Variants in PKP4 observed in about 807,000 individuals in gnomAD.
PKP4 encodes the protein plakophilin-4.
A neutral mutation model predicts 145.1 loss-of-function variants in PKP4; 90 were observed. The observed-to-expected ratio is 0.62, with a 90% CI of 0.52 to 0.74. The LOEUF (loss-of-function observed/expected upper bound fraction) is 0.74, where lower values mean the gene tolerates loss of function less well. PKP4 is among the 30% of genes least tolerant of loss of function. The pLI, the probability that PKP4 is intolerant of heterozygous loss-of-function variation, is 0.00. For missense variants in PKP4, 1,340 were observed against 1,482.7 expected, an observed-to-expected ratio of 0.90 and a Z score of 1.58; for synonymous variants, 563 against 577.2, an observed-to-expected ratio of 0.98 and a Z score of 0.35.
chr2:158,621,072 A>G lies in PKP4; in HGVS notation c.363A>G (p.Glu121=), dbSNP rs752559829. ...PNNYLIRTEP[E]QGTLYSPEQT... Reference sequence around the variant, plus strand: ...ACTATCTCATCAGGACAGAGCCAGAACAAGGAACCCTCTATTCACCAGAAC... The same window carrying G: ...ACTATCTCATCAGGACAGAGCCAGAGCAAGGAACCCTCTATTCACCAGAAC... The change falls in exon 5 of 22, where the codon GAA becomes GAG. Residue 121 remains glutamate, a synonymous_variant. Coordinates refer to ENST00000389759, the MANE Select transcript of PKP4 (RefSeq NM_003628.6). The G allele has an allele frequency of 3.1e-6, 5 of 1,614,204 alleles. No individual in the cohort carries two copies. Among genetic ancestry groups the G allele is most frequent in the Non-Finnish European group, 4.2e-6 (5 of 1,180,018 alleles).
At chr2:158,672,175 T>C (rs1255324587) in intron 17 of PKP4, among the ~76,000 whole-genome samples, 2 of 152,106 alleles carry the variant, frequency 1.3e-5, no homozygotes, top group Non-Finnish European at 2.9e-5. Flanking sequence ...TGAAATACAG[T>C]GACTCAGGAT....
intron 1 of PKP4, among the ~76,000 whole-genome samples, chr2:158,518,346 A>C (rs1432834059): frequency 6.6e-6 from 1 of 152,222 alleles, no homozygotes; most frequent in Non-Finnish European, 1.5e-5. Context: ...GATGTTGCAC[A>C]AGATCACATC....
chr2:158,540,816 A>T (rs1164139856), intron 2 of PKP4, among the ~76,000 whole-genome samples: 1 of 152,186 alleles, frequency 6.6e-6, no homozygotes, highest in African/African-American at 2.4e-5. Flanking sequence ...CCATTGAATT[A>T]GCATTGTTTC....
chr2:158,465,844 C>T (rs560743492), intron 1 of PKP4, among the ~76,000 whole-genome samples: 26 of 152,280 alleles, frequency 1.7e-4, no homozygotes, highest in African/African-American at 6.3e-4. Flanking sequence ...CTGGACTTCA[C>T]AAGAACTATT....
At chr2:158,527,844 C>T (rs2043100327) in intron 1 of PKP4, among the ~76,000 whole-genome samples, 1 of 20,504 alleles carries the variant, frequency 4.9e-5, no homozygotes, top group Non-Finnish European at 1.1e-4. Context: ...ACAGACACTT[C>T]TCAAAAGAAG....
chr2:158,564,797 T>C (rs1164383297), intron 2 of PKP4, among the ~76,000 whole-genome samples: 4 of 152,222 alleles, frequency 2.6e-5, no homozygotes, highest in Non-Finnish European at 4.4e-5. Flanking sequence ...AGCTTTGTTT[T>C]CTCTACTTAA....
intron 4 of PKP4, among the ~76,000 whole-genome samples, chr2:158,613,558 T>C (rs2051323648): frequency 6.6e-6 from 1 of 152,260 alleles, no homozygotes; most frequent in Admixed American, 6.5e-5. Flanking sequence ...AATCTCTGAG[T>C]GTGGGACTTG....
At position 158,673,755 on chromosome 2, in the gene PKP4, T is replaced by C. The variant is rs2057769043; in HGVS notation, c.3003T>C (p.Tyr1001=). The part of the protein sequence containing the change: ...LWQYRDLRSI[Y]KKDGWNQNHF... ...AATATCGGGACCTCCGGAGCATTTA[T>C]AAAAAGGTAACCTACAAGAATAGCT... Residue 1001 remains tyrosine (Y), a synonymous_variant, in exon 18 of 22, where the codon TAT becomes TAC. Transcript: ENST00000389759. 1.2e-6 allele frequency: 2 copies of C among 1,608,216 alleles called. No homozygotes were observed. The highest frequency in any genetic ancestry group is 1.7e-4 in the Middle Eastern group (1 of 6,002).
At chr2:158,630,257 GT>G (rs1250345040) in intron 7 of PKP4, among the ~76,000 whole-genome samples, 7 of 152,170 alleles carry the variant, frequency 4.6e-5, no homozygotes. Flanking sequence ...AAATTGAAAT[GT>G]TTGGGTTTGA....
chr2:158,589,657 T>C (rs1328782124), intron 3 of PKP4, among the ~76,000 whole-genome samples: 1 of 152,206 alleles, frequency 6.6e-6, no homozygotes, highest in African/African-American at 2.4e-5. Context: ...TTGCCACTAA[T>C]GTACTTAGCG....
intron 1 of PKP4, among the ~76,000 whole-genome samples, chr2:158,523,043 G>A (rs993897041): frequency 7.2e-5 from 11 of 152,028 alleles, no homozygotes; most frequent in African/African-American, 1.9e-4. Flanking sequence ...AGGCAGCAGC[G>A]AGGCTGGGGG....
At chr2:158,552,615 G>A (rs1332447310) in intron 2 of PKP4, among the ~76,000 whole-genome samples, 2 of 152,152 alleles carry the variant, frequency 1.3e-5, no homozygotes, top group Admixed American at 6.5e-5. Context: ...GAAACTAGAG[G>A]AAAGAAAGGT....
intron 1 of PKP4, among the ~76,000 whole-genome samples, chr2:158,465,022 A>G (rs567663458): frequency 6.6e-6 from 1 of 152,334 alleles, no homozygotes; most frequent in Admixed American, 6.5e-5. Context: ...GATAGGCCTT[A>G]TGGCCAAAAA....
chr2:158,577,247 GC>G, intron 2 of PKP4, 23 bp from the exon 3 acceptor site: 1 of 1,515,812 alleles, frequency 6.6e-7, no homozygotes, highest in Non-Finnish European at 9.1e-7. Flanking sequence ...CGCCTTATAT[GC>G]CTTTTATTTT....
At chr2:158,553,303 A>G (rs939432483) in intron 2 of PKP4, among the ~76,000 whole-genome samples, 25 of 152,228 alleles carry the variant, frequency 1.6e-4, no homozygotes, top group African/African-American at 5.3e-4. Context: ...AAGGATGTAG[A>G]TAACCTTTGA....
chr2:158,554,416 A>T (rs1027967251), intron 2 of PKP4, among the ~76,000 whole-genome samples: 8 of 137,760 alleles, frequency 5.8e-5, no homozygotes, highest in Admixed American at 1.5e-4. Context: ...ACTCAGAAAT[A>T]ATTATTATTA....
intron 2 of PKP4, among the ~76,000 whole-genome samples, chr2:158,553,541 C>T (rs1018540214): frequency 6.6e-6 from 1 of 152,182 alleles, no homozygotes; most frequent in Non-Finnish European, 1.5e-5. Context: ...ACTGTACAGG[C>T]TTGTCAAAAC....
chr2:158,669,998 C>T (rs2057423812), intron 17 of PKP4, 83 bp downstream of exon 17: 1 of 1,091,496 alleles, frequency 9.2e-7, no homozygotes, highest in South Asian at 2.0e-5. Flanking sequence ...GGATACCTTT[C>T]CTATTGGAAA....
At chr2:158,502,131 A>G (rs920910083) in intron 1 of PKP4, among the ~76,000 whole-genome samples, 6 of 152,196 alleles carry the variant, frequency 3.9e-5, no homozygotes, top group Non-Finnish European at 7.3e-5. Context: ...AGAGTAGATC[A>G]TCCACTTGGA....
Sources: gnomAD v4.1 joint callset for allele counts (sites outside exome capture counted in the v4.1 genomes callset) on GRCh38, gnomAD v4.1.1 for gene constraint, MANE v1.5 for transcripts, NCBI Gene and HGNC (gene_info 2026-07-23, HGNC 2026-07-21) for gene names.